Variants in SVIL observed in about 807,000 individuals in gnomAD.
SVIL encodes the protein archvillin.
In SVIL, 101 loss-of-function variants were observed where a neutral mutation model predicts 240.4. The ratio of observed to expected loss-of-function variants is 0.42; its 90% CI spans 0.36 to 0.50. The LOEUF (loss-of-function observed/expected upper bound fraction) is 0.50. Among genes scored for constraint, SVIL ranks in the 20% least tolerant of loss-of-function variants. SVIL has a pLI of 0.01. For missense variants in SVIL, 2,512 were observed against 2,818.7 expected (o/e 0.89, Z 2.46); for synonymous variants, 999 against 1,100.0 (o/e 0.91, Z 1.82).
At chr10:29,619,090 C>T (rs1369198802) in intron 1 of SVIL, among the ~76,000 whole-genome samples, 1 of 152,142 alleles carries the variant, frequency 6.6e-6, no homozygotes, top group East Asian at 1.9e-4. Context: ...GCCAGAGGCG[C>T]TAGAATTTAA....
chr10:29,465,820 T>C (rs1434267289), intron 33 of SVIL, 70 bp from the exon 34 acceptor site: 3 of 1,528,892 alleles, frequency 2.0e-6, no homozygotes, highest in Non-Finnish European at 2.7e-6. Flanking sequence ...GAAGAATGAA[T>C]GTAAAATATG....
chr10:29,720,489 TGAATTCATCACCA>T (rs1963906046), intron 1 of SVIL, among the ~76,000 whole-genome samples: 1 of 152,144 alleles, frequency 6.6e-6, no homozygotes, highest in African/African-American at 2.4e-5. Context: ...AAAAATGGAA[TGAATTCATCACCA>T]GAAGTCCTAC....
chr10:29,614,709 T>C (rs1957369644), intron 1 of SVIL, among the ~76,000 whole-genome samples: 1 of 152,086 alleles, frequency 6.6e-6, no homozygotes, highest in Non-Finnish European at 1.5e-5. Flanking sequence ...ATACCTAATG[T>C]AAATGATGAG....
chr10:29,685,674 T>C (rs934694885), intron 2 of SVIL, among the ~76,000 whole-genome samples: 7 of 152,264 alleles, frequency 4.6e-5, no homozygotes, highest in Admixed American at 6.5e-5. Context: ...TGATTAGTGA[T>C]GCTGAGCATT....
At position 29,550,585 on chromosome 10, in the gene SVIL, C is replaced by T. The variant is rs1361498984; in HGVS notation, c.827+12G>A. The T allele has an allele frequency of 6.3e-7, 1 of 1,594,694 alleles. No homozygotes were observed. The highest frequency in any genetic ancestry group is 8.5e-7 in the Non-Finnish European group (1 of 1,170,802). On this transcript the variant is annotated intron_variant, in intron 6 of 37. Transcript: ENST00000355867. ...CTGCGTTCAGGGTGCTTAGCGTGGACTGGATGCTTACCTGGGTCGGGCCTC... is the reference window on the plus strand; with the variant it reads ...CTGCGTTCAGGGTGCTTAGCGTGGATTGGATGCTTACCTGGGTCGGGCCTC...
chr10:29,563,637 T>A (rs1029114683), intron 2 of SVIL, among the ~76,000 whole-genome samples: 25 of 152,068 alleles, frequency 1.6e-4, no homozygotes, highest in African/African-American at 5.3e-4. Context: ...TTACTCAACC[T>A]CTCTGTGCTA....
chr10:29,612,848 C>T (rs1957295799), intron 1 of SVIL, among the ~76,000 whole-genome samples: 1 of 152,156 alleles, frequency 6.6e-6, no homozygotes, highest in Admixed American at 6.6e-5. Flanking sequence ...TTCACTCAAG[C>T]TGATGGCTGG....
intron 3 of SVIL, among the ~76,000 whole-genome samples, chr10:29,646,211 A>C (rs7903099): frequency 0.16 from 24,748 of 151,790 alleles, 2,104 homozygotes; most frequent in Middle Eastern, 0.24. Flanking sequence ...CCTCACAGAC[A>C]CCCCCCTGCC....
Position 29,533,500 on chromosome 10 carries a change from C to T in SVIL, c.909-42G>A, listed in dbSNP as rs200446446. The T allele has an allele frequency of 4.5e-5, 71 of 1,573,352 alleles. No individual in the cohort carries two copies. The East Asian group carries it at 8.3e-4, about 18-fold the overall frequency. ...GGATTTAAGTTGCAAAGTGCAGTAA[C>T]GGCCTCACAGGAGGAAAGCATGCGT... On this transcript the variant is annotated intron_variant, in intron 7 of 37. Transcript: ENST00000355867.
At chr10:29,678,038 T>A (rs1282571153) in intron 2 of SVIL, among the ~76,000 whole-genome samples, 3 of 152,130 alleles carry the variant, frequency 2.0e-5, no homozygotes, top group Non-Finnish European at 4.4e-5. Flanking sequence ...AGGGTCTACC[T>A]TATCTGAAAG....
intron 1 of SVIL, among the ~76,000 whole-genome samples, chr10:29,618,158 G>C (rs1246250100): frequency 2.6e-5 from 4 of 152,216 alleles, no homozygotes; most frequent in East Asian, 1.9e-4. Flanking sequence ...CTTGAGGAGG[G>C]AGGGTGTTTA....
Position 29,481,603 on chromosome 10 carries a change from C to T in SVIL, c.5081G>A (p.Gly1694Glu). ...GAATACCTTGTGCTGGGCAAGTTCC[C>T]CGGGGTTCTTCTCATTCGATCTCTT... Reference protein sequence around the residue: ...ELKRSNEKNPGELAQHKEDPR... With the variant: ...ELKRSNEKNPEELAQHKEDPR... Residue 1694 changes from glycine to glutamate, a missense_variant, in exon 28 of 38, where the codon GGG becomes GAG. By Grantham distance (98) the Gly-to-Glu change is moderately conservative. Around this residue, in one of 3 missense-constraint regions of SVIL, gnomAD observed 797 missense variants for 925.3 expected, o/e 0.86. Transcript: ENST00000355867. 5.0e-6 allele frequency: 8 copies of T among 1,614,150 alleles called. No homozygotes were observed. The highest frequency in any genetic ancestry group is 5.9e-6 in the Non-Finnish European group (7 of 1,180,026).
At chr10:29,656,185 T>G (rs1959000187) in intron 3 of SVIL, among the ~76,000 whole-genome samples, 1 of 151,938 alleles carries the variant, frequency 6.6e-6, no homozygotes, top group Non-Finnish European at 1.5e-5. Context: ...GAGTGTTTTT[T>G]TTTTTTTTAA....
At chr10:29,509,468 T>TG (rs1325273568) in intron 17 of SVIL, among the ~76,000 whole-genome samples, 1 of 151,922 alleles carries the variant, frequency 6.6e-6, no homozygotes, top group Non-Finnish European at 1.5e-5. Context: ...ATCCTCATTT[T>TG]GGGGGGAGGG....
intron 6 of SVIL, among the ~76,000 whole-genome samples, chr10:29,540,632 C>T (rs538212432): frequency 6.6e-5 from 10 of 152,246 alleles, no homozygotes; most frequent in African/African-American, 2.4e-4. Flanking sequence ...AAAATGGCTG[C>T]TTCCTTGGCT....
At chr10:29,506,430 A>G (rs1299070329) in intron 17 of SVIL, among the ~76,000 whole-genome samples, 2 of 152,002 alleles carry the variant, frequency 1.3e-5, no homozygotes, top group African/African-American at 4.8e-5. Context: ...GGGAGTTTCC[A>G]TCTGTGAAGA....
rs142425897 is a variant in SVIL, at chr10:29,484,826, C to T, written c.4785G>A (p.Leu1595=). 7.3e-5 allele frequency: 118 copies of T among 1,606,216 alleles called. 1 individual carries two copies. Among genetic ancestry groups the T allele is most frequent in the Middle Eastern group, 5.0e-4 (3 of 6,012 alleles). Reference sequence around the variant, plus strand: ...AAACTTCACTACCAAAATCAAACACCAGTACCTGGGAGAAATGGCACAAAA... The same window carrying T: ...AAACTTCACTACCAAAATCAAACACTAGTACCTGGGAGAAATGGCACAAAA... The part of the protein sequence containing the change: ...KCSLLQPKEV[L]VFDFGSEVYV... The change falls in exon 27 of 38, where the codon CTG becomes CTA. Residue 1595 remains leucine (L), a synonymous_variant. Coordinates refer to ENST00000355867, the MANE Select transcript of SVIL (RefSeq NM_021738.3). This position sits in a 1 kb window ranked among gnomAD's most constrained non-coding sequence, Gnocchi z 4.7.
In SVIL at chr10:29,585,086, C is replaced by CTT. The variant is rs111923900; in HGVS notation, c.-200-15776_-200-15775dup. ...TCAGCTAATATTTTTATTCTTCTTCCTTTTTTTTTTTTTTGAGACAGGTTC... is the reference window on the plus strand; with the variant it reads ...TCAGCTAATATTTTTATTCTTCTTCCTTTTTTTTTTTTTTTTGAGACAGGTTC... On this transcript the variant is annotated intron_variant, in intron 1 of 37. Coordinates refer to ENST00000355867, the MANE Select transcript of SVIL (RefSeq NM_021738.3). 2.2e-4 allele frequency among the ~76,000 whole-genome samples: 32 copies of CTT among 145,542 alleles called. No individual in the cohort carries two copies. The South Asian group carries it at 6.3e-3, about 29-fold the overall frequency.
At chr10:29,682,160 C>A (rs1960707356) in intron 2 of SVIL, among the ~76,000 whole-genome samples, 1 of 152,170 alleles carries the variant, frequency 6.6e-6, no homozygotes, top group Non-Finnish European at 1.5e-5. Context: ...ATCTTCTACG[C>A]CTTAAGCAGC....
Sources: allele counts gnomAD v4.1 joint callset (sites outside exome capture counted in the v4.1 genomes callset), GRCh38; gene constraint gnomAD v4.1.1; regional missense constraint gnomAD v4.1.1; non-coding constraint Gnocchi (gnomAD v3.1); transcripts MANE v1.5; gene names NCBI Gene and HGNC (gene_info 2026-07-23, HGNC 2026-07-21).